ADCY1: variants seen among roughly 807,000 people sequenced by gnomAD.
ADCY1 encodes the protein adenylate cyclase type 1.
Under a neutral mutation model 105.4 loss-of-function variants are expected in ADCY1, and 28 were observed. The ratio of observed to expected loss-of-function variants is 0.27; its 90% CI spans 0.20 to 0.36. The LOEUF is 0.36. Among genes scored for constraint, ADCY1 ranks in the 10% least tolerant of loss-of-function variants. The pLI, the probability that ADCY1 is intolerant of heterozygous loss-of-function variation, is 1.00. For synonymous variants in ADCY1, 655 were observed against 623.8 expected (o/e 1.05, Z -0.75); for missense variants, 977 against 1,434.2 (o/e 0.68, Z 5.15).
intron 8 of ADCY1, among the ~76,000 whole-genome samples, chr7:45,666,966 G>A (rs1005715717): frequency 6.6e-6 from 1 of 152,120 alleles, no homozygotes; most frequent in African/African-American, 2.4e-5. Flanking sequence ...CCCACTTTTT[G>A]TTGGGGTTGT....
At chr7:45,664,594 G>C (rs1795220065) in intron 8 of ADCY1, 1 of 1,094,440 alleles carries the variant, frequency 9.1e-7, no homozygotes, top group Non-Finnish European at 1.2e-6. Flanking sequence ...TCACAAAAAA[G>C]CTATCATGAA....
intron 3 of ADCY1, among the ~76,000 whole-genome samples, chr7:45,616,351 C>T (rs949313765): frequency 6.6e-6 from 1 of 152,078 alleles, no homozygotes; most frequent in Non-Finnish European, 1.5e-5. Flanking sequence ...TAAAGGCAAA[C>T]AAGAACACTA....
intron 4 of ADCY1, among the ~76,000 whole-genome samples, chr7:45,640,771 G>A (rs1328618778): frequency 2.0e-5 from 3 of 152,130 alleles, no homozygotes; most frequent in African/African-American, 7.2e-5. Flanking sequence ...TTTAACTATT[G>A]TTAAAGTAAC....
At chr7:45,658,265 G>A (rs1482511400) in intron 6 of ADCY1, among the ~76,000 whole-genome samples, 1 of 152,246 alleles carries the variant, frequency 6.6e-6, no homozygotes, top group East Asian at 1.9e-4. Context: ...CAAATGGAAA[G>A]TGCTGGGACT....
chr7:45,576,867 C>A (rs1478440150), intron 1 of ADCY1, among the ~76,000 whole-genome samples: 2 of 152,196 alleles, frequency 1.3e-5, no homozygotes, highest in Non-Finnish European at 2.9e-5. Context: ...ACTGCATTCT[C>A]TCTTATTACA....
chr7:45,675,942 A>G (rs1584323925), intron 8 of ADCY1, among the ~76,000 whole-genome samples: 2 of 152,190 alleles, frequency 1.3e-5, no homozygotes, highest in East Asian at 3.9e-4. Flanking sequence ...TATTTCTTCT[A>G]ATATTTGTCC....
At chr7:45,603,816 TG>T (rs1793307300) in intron 2 of ADCY1, among the ~76,000 whole-genome samples, 1 of 152,252 alleles carries the variant, frequency 6.6e-6, no homozygotes, top group Admixed American at 6.5e-5. Flanking sequence ...TGTAGACATT[TG>T]GGATTGGCTT....
chr7:45,618,485 G>A (rs983856828), intron 3 of ADCY1, among the ~76,000 whole-genome samples: 3 of 152,048 alleles, frequency 2.0e-5, no homozygotes, highest in African/African-American at 7.2e-5. Flanking sequence ...ATTTGACAAG[G>A]GATTAATATC....
intron 1 of ADCY1, among the ~76,000 whole-genome samples, chr7:45,587,786 G>A (rs1792776830): frequency 6.6e-6 from 1 of 152,132 alleles, no homozygotes; most frequent in South Asian, 2.1e-4. Context: ...TTTTCAGCAG[G>A]AGGCCTCAGA....
Position 45,720,671 on chromosome 7 carries a change from A to G in ADCY1, c.*6676A>G, listed in dbSNP as rs1234262001. 6.6e-6 allele frequency: 1 copy of G among 152,168 alleles called. No individual in the cohort carries two copies. Among genetic ancestry groups the G allele is most frequent in the Non-Finnish European group, 1.5e-5 (1 of 68,048 alleles). The allele number at this position is 152,168 out of a possible 1,614,324, so 9.4% of individuals were successfully genotyped here. A position where few individuals can be genotyped will look rare whatever the true frequency, so the allele number is the denominator to read the frequency against. ...AGTGAGTTTCCTTCTACCCGTCACCAGATTCAATATGTTCTATTAATACAC... is the reference window on the plus strand; with the variant it reads ...AGTGAGTTTCCTTCTACCCGTCACCGGATTCAATATGTTCTATTAATACAC... On this transcript the variant is annotated 3_prime_UTR_variant, in exon 20 of 20. Transcript: ENST00000297323.
At chr7:45,625,359 G>T (rs1198116353) in intron 4 of ADCY1, among the ~76,000 whole-genome samples, 1 of 152,224 alleles carries the variant, frequency 6.6e-6, no homozygotes, top group Non-Finnish European at 1.5e-5. Flanking sequence ...ATGCACACAC[G>T]CATCAGAGAG....
chr7:45,583,937 GTTTTTTTTTTTTTT>G (rs869216986), intron 1 of ADCY1, among the ~76,000 whole-genome samples: 2 of 56,882 alleles, frequency 3.5e-5, no homozygotes, highest in African/African-American at 6.9e-5. Flanking sequence ...ACTGTGCCCT[GTTTTTTTTTTTTTT>G]TTTTTTTTTT....
intron 4 of ADCY1, among the ~76,000 whole-genome samples, chr7:45,624,768 C>T (rs1405006936): frequency 1.3e-5 from 2 of 152,212 alleles, no homozygotes; most frequent in African/African-American, 4.8e-5. Flanking sequence ...CTTCCCACCC[C>T]TTCAGCAGGA....
At chr7:45,670,852 A>G (rs1784351079) in intron 8 of ADCY1, among the ~76,000 whole-genome samples, 1 of 152,126 alleles carries the variant, frequency 6.6e-6, no homozygotes, top group African/African-American at 2.4e-5. Flanking sequence ...ACATGTGTCC[A>G]TCAGCCCTGA....
intron 4 of ADCY1, among the ~76,000 whole-genome samples, chr7:45,624,181 C>G (rs66888611): frequency 0.28 from 42,345 of 152,082 alleles, 7,096 homozygotes; most frequent in East Asian, 0.44. Context: ...GCATTCTGAG[C>G]ACAGGGCAGG....
chr7:45,592,859 G>A lies in ADCY1; in HGVS notation c.740G>A (p.Arg247Gln), dbSNP rs1198951140. 7 of 1,614,216 alleles carry A rather than the reference G, an allele frequency of 4.3e-6. No individual in the cohort carries two copies. Among genetic ancestry groups the A allele is most frequent in the Admixed American group, 3.3e-5 (2 of 60,030 alleles). The change falls in exon 2 of 20, where the codon CGG (arginine) becomes CAG (glutamine). Residue 247 changes from arginine to glutamine, a missense_variant. Arg to Gln is a conservative substitution (Grantham distance 43). Coordinates refer to ENST00000297323, the MANE Select transcript of ADCY1 (RefSeq NM_021116.4). ...RSQRKAFLQA[R>Q]SCIEDRLRLE... is the part of the protein sequence containing the mutation. ...CAGAGGAAGGCGTTCCTGCAGGCCCGGAGCTGCATTGAGGACCGACTGAGG... is the reference window on the plus strand; with the variant it reads ...CAGAGGAAGGCGTTCCTGCAGGCCCAGAGCTGCATTGAGGACCGACTGAGG...
upstream of ADCY1, among the ~76,000 whole-genome samples, chr7:45,574,362 G>A (rs1792246737): frequency 6.9e-6 from 1 of 144,476 alleles, no homozygotes; most frequent in Non-Finnish European, 1.5e-5. The surrounding 1 kb of genome is among the most constrained non-coding windows in gnomAD (Gnocchi z 7.0). Context: ...GCGGCGGGCG[G>A]GAGGGGACGC....
intron 1 of ADCY1, among the ~76,000 whole-genome samples, chr7:45,577,441 A>G (rs1176629447): frequency 6.6e-6 from 1 of 152,228 alleles, no homozygotes. Flanking sequence ...GGAGCCTGTG[A>G]AATCTGTCCA....
rs746846166 is a variant in ADCY1, at chr7:45,657,787, G to A, written c.1209G>A (p.Arg403=). 1.2e-5 allele frequency: 19 copies of A among 1,613,912 alleles called. No individual in the cohort carries two copies. Among genetic ancestry groups the A allele is most frequent in the Admixed American group, 1.7e-5 (1 of 59,996 alleles). ...TGCGTGTGGGTCTGCACACGGGCAG[G>A]GTCCTCTGTGGTGTCCTGGGCTTGC... ...LNMRVGLHTG[R]VLCGVLGLRK... is the part of the protein sequence containing the mutation. Residue 403 remains arginine, a synonymous_variant, in exon 6 of 20, where the codon AGG becomes AGA. Coordinates refer to ENST00000297323, the MANE Select transcript of ADCY1 (RefSeq NM_021116.4).
Sources: gnomAD v4.1 joint callset for allele counts (sites outside exome capture counted in the v4.1 genomes callset) on GRCh38, gnomAD v4.1.1 for gene constraint, Gnocchi (gnomAD v3.1) non-coding constraint, MANE v1.5 for transcripts, NCBI Gene and HGNC (gene_info 2026-07-23, HGNC 2026-07-21) for gene names.